The following RAP1GAP2 variants were observed in gnomAD, a reference collection of about 807,000 sequenced individuals.
The protein encoded by RAP1GAP2 is rap1 GTPase-activating protein 2.
RAP1GAP2 carries 27 observed loss-of-function variants against 95.0 expected under a neutral mutation model. The observed-to-expected ratio is 0.28, with a 90% CI of 0.21 to 0.39. The LOEUF is 0.39. RAP1GAP2 is among the 10% of genes least tolerant of loss of function. The probability of loss-of-function intolerance (pLI) is 1.00; values close to 1 mark genes in which losing one functional copy is unlikely to be tolerated. For synonymous variants in RAP1GAP2, 373 were observed against 380.9 expected, an observed-to-expected ratio of 0.98 and a Z score of 0.24; for missense variants, 771 against 970.0, an observed-to-expected ratio of 0.79 and a Z score of 2.72.
At chr17:2,881,534 T>C (rs2073290194) in intron 2 of RAP1GAP2, among the ~76,000 whole-genome samples, 1 of 152,210 alleles carries the variant, frequency 6.6e-6, no homozygotes. Flanking sequence ...CCACGTTTTG[T>C]TTATCCACTC....
chr17:2,981,074 C>T (rs952294805), intron 9 of RAP1GAP2, 121 bp from the exon 10 acceptor site: 34 of 836,122 alleles, frequency 4.1e-5, no homozygotes, highest in South Asian at 3.9e-4. Flanking sequence ...TCAGAATCCC[C>T]GCCCAGGCCT....
chr17:2,952,002 C>T (rs1245936866), intron 3 of RAP1GAP2, among the ~76,000 whole-genome samples: 1 of 151,516 alleles, frequency 6.6e-6, no homozygotes, highest in Non-Finnish European at 1.5e-5. Flanking sequence ...CCACTGCACT[C>T]CAGCCTGGGC....
intron 3 of RAP1GAP2, among the ~76,000 whole-genome samples, chr17:2,927,172 T>TG (rs1229219078): frequency 1.3e-5 from 2 of 150,996 alleles, no homozygotes; most frequent in Non-Finnish European, 3.0e-5. Context: ...TTTTTTTTTT[T>TG]AGACAGAATC....
chr17:2,788,378 C>A (rs927241452), intron 1 of RAP1GAP2, among the ~76,000 whole-genome samples: 1 of 152,186 alleles, frequency 6.6e-6, no homozygotes, highest in African/African-American at 2.4e-5. Context: ...TCACTGCAAC[C>A]TCTACCTCCC....
rs573630424 is a variant in RAP1GAP2, at chr17:2,829,710, G to GT, written c.80+29161dup. Among the ~76,000 whole-genome samples the GT allele has an allele frequency of 2.8e-4, 42 of 152,282 alleles. No individual in the cohort carries two copies. The South Asian group carries it at 8.3e-3, about 30-fold the overall frequency. On this transcript the variant is annotated intron_variant, in intron 2 of 24. Transcript: ENST00000254695. ...AGACTAAGCTGGCCAGAGCCTGGTG[G>GT]TGGCCTCCTGGCTGTCGGATGTCAG... is the stretch of plus-strand genomic sequence containing the variant.
intron 2 of RAP1GAP2, among the ~76,000 whole-genome samples, chr17:2,801,180 T>C (rs1365011759): frequency 6.6e-6 from 1 of 151,520 alleles, no homozygotes; most frequent in Non-Finnish European, 1.5e-5. Context: ...CTTTAGTTTT[T>C]AGATATATAT....
rs997324269 is a variant in RAP1GAP2, at chr17:2,965,852, CAG to C, written c.596+212_596+213del. Reference sequence around the variant, plus strand: ...CGCGCTCCACCAGTTAGCTGACAGTCAGAGGGGCATCCAGGTCTCAAGGTCAC... The same window carrying C: ...CGCGCTCCACCAGTTAGCTGACAGTCAGGGGCATCCAGGTCTCAAGGTCAC... On this transcript the variant is annotated intron_variant, in intron 8 of 24. Coordinates refer to ENST00000254695, the MANE Select transcript of RAP1GAP2 (RefSeq NM_015085.5). The surrounding 1 kb of genome is among the most constrained non-coding windows in gnomAD (Gnocchi z 4.7). 3.3e-5 allele frequency: 19 copies of C among 571,286 alleles called. No individual in the cohort carries two copies. The highest frequency in any genetic ancestry group is 1.9e-4 in the Admixed American group (6 of 31,792). The allele number at this position is 571,286 out of a possible 1,614,324, so 35.4% of individuals were successfully genotyped here. A position where few individuals can be genotyped will look rare whatever the true frequency, so the allele number is the denominator to read the frequency against.
chr17:2,815,075 C>T (rs1383163041), intron 2 of RAP1GAP2, among the ~76,000 whole-genome samples: 10 of 152,096 alleles, frequency 6.6e-5, no homozygotes, highest in African/African-American at 1.9e-4. Context: ...TAGGGGACCT[C>T]GTTAAAATGC....
chr17:2,861,815 C>G lies in RAP1GAP2; in HGVS notation c.81-43469C>G, dbSNP rs562177833. Among the ~76,000 whole-genome samples the G allele has an allele frequency of 6.6e-5, 10 of 152,128 alleles. No homozygotes were observed. In the South Asian group the frequency reaches 2.1e-3, roughly 32 times the overall value. ...GACTACAGGTGCCCGCCACCATGCC[C>G]GGCTAATTTTTTGTATTTTTAGTAG... On this transcript the variant is annotated intron_variant, in intron 2 of 24. Transcript: ENST00000254695.
intron 2 of RAP1GAP2, among the ~76,000 whole-genome samples, chr17:2,893,792 G>C (rs1409142891): frequency 6.6e-6 from 1 of 151,956 alleles, no homozygotes; most frequent in East Asian, 1.9e-4. Context: ...CAGTTTCTGA[G>C]TGACGGAGTG....
At chr17:3,006,118 ATCTTT>A in intron 16 of RAP1GAP2, 77 bp downstream of exon 16, 3 of 720,052 alleles carry the variant, frequency 4.2e-6, no homozygotes, top group Non-Finnish European at 6.3e-6. Flanking sequence ...GGGCTCCTCC[ATCTTT>A]TTTTTTTTTT....
intron 1 of RAP1GAP2, among the ~76,000 whole-genome samples, chr17:2,762,397 C>CTT (rs71150894): frequency 1.7e-4 from 21 of 124,198 alleles, no homozygotes; most frequent in South Asian, 5.1e-4. Context: ...TTTTTTCTTT[C>CTT]TTTTTTTTTT....
At chr17:2,803,707 C>T (rs1215076534) in intron 2 of RAP1GAP2, among the ~76,000 whole-genome samples, 9 of 152,222 alleles carry the variant, frequency 5.9e-5, no homozygotes, top group East Asian at 5.8e-4. Context: ...GGTAAAACCC[C>T]GTCTCTACTG....
chr17:2,877,108 C>CCAT (rs1171370878), intron 2 of RAP1GAP2, among the ~76,000 whole-genome samples: 1 of 151,854 alleles, frequency 6.6e-6, no homozygotes, highest in Non-Finnish European at 1.5e-5. Flanking sequence ...AGGCTGGTCT[C>CCAT]GAACTCCTGA....
At chr17:2,979,472 T>G (rs1021070274) in intron 8 of RAP1GAP2, among the ~76,000 whole-genome samples, 5 of 142,492 alleles carry the variant, frequency 3.5e-5, no homozygotes, top group South Asian at 2.4e-4. Context: ...TTTTTTTTTT[T>G]TTTTTTTTTT....
upstream of RAP1GAP2, among the ~76,000 whole-genome samples, chr17:2,773,095 C>G (rs2068430174): frequency 6.6e-6 from 1 of 152,096 alleles, no homozygotes. Flanking sequence ...TCGAACTCCT[C>G]CCAGAGTGCT....
Position 2,963,716 on chromosome 17 carries a change from G to T in RAP1GAP2, c.280-140G>T. 2 of 851,334 alleles carry T rather than the reference G, an allele frequency of 2.3e-6. No individual in the cohort carries two copies. Among genetic ancestry groups the T allele is most frequent in the East Asian group, 5.3e-5 (2 of 37,488 alleles). 52.7% of individuals were successfully genotyped at this position (851,334 alleles called of 1,614,324 possible). A position where few individuals can be genotyped will look rare whatever the true frequency, so the allele number is the denominator to read the frequency against. ...AGGTGTTGTGGGGCTTGGAGGAGGG[G>T]TTCATGTCACTGCCTTTGGCCTCAA... On this transcript the variant is annotated intron_variant, in intron 6 of 24. Coordinates refer to ENST00000254695, the MANE Select transcript of RAP1GAP2 (RefSeq NM_015085.5). This position sits in a 1 kb window ranked among gnomAD's most constrained non-coding sequence, Gnocchi z 4.8.
At chr17:2,890,476 C>T (rs1328366026) in intron 2 of RAP1GAP2, among the ~76,000 whole-genome samples, 1 of 151,788 alleles carries the variant, frequency 6.6e-6, no homozygotes, top group East Asian at 1.9e-4. Context: ...CCGGTTGGCT[C>T]TGTGATAGGG....
In RAP1GAP2 at chr17:2,995,353, G is replaced by C; in HGVS notation, c.931G>C (p.Asp311His). ...TGTTGACAGTTTCCGAGGAGGCCTG[G>C]ACGTGACCCACGGACAGACAGGGGT... is the stretch of plus-strand genomic sequence containing the variant. ...QDFKGFRGGL[D>H]VTHGQTGVES... The change falls in exon 13 of 25, where the codon GAC becomes CAC. Residue 311 changes from aspartate to histidine, a missense_variant. Physicochemically the swap from Asp to His is moderately conservative, Grantham distance 81. Transcript: ENST00000254695. 1 of 1,613,828 alleles carries C rather than the reference G, an allele frequency of 6.2e-7. No homozygotes were observed. Among genetic ancestry groups the C allele is most frequent in the Non-Finnish European group, 8.5e-7 (1 of 1,179,732 alleles).
Sources: gnomAD v4.1 joint callset for allele counts (sites outside exome capture counted in the v4.1 genomes callset) on GRCh38, gnomAD v4.1.1 for gene constraint, Gnocchi (gnomAD v3.1) non-coding constraint, MANE v1.5 for transcripts, NCBI Gene and HGNC (gene_info 2026-07-23, HGNC 2026-07-21) for gene names.